Variants in BRPF3 observed in about 807,000 individuals in gnomAD.
The protein encoded by BRPF3 is bromodomain and PHD finger-containing protein 3.
In BRPF3, 18 loss-of-function variants were observed where a neutral mutation model predicts 102.0. The observed-to-expected ratio is 0.18, with a 90% CI of 0.12 to 0.26. The LOEUF is 0.26. Among genes scored for constraint, BRPF3 ranks in the 10% least tolerant of loss-of-function variants. The pLI is 1.00. For missense variants in BRPF3, 1,147 were observed against 1,567.8 expected, an observed-to-expected ratio of 0.73 and a Z score of 4.53; for synonymous variants, 570 against 614.2, an observed-to-expected ratio of 0.93 and a Z score of 1.06.
At position 36,225,484 on chromosome 6, in the gene BRPF3, G is replaced by A. The variant is rs1016109348; in HGVS notation, c.3279+120G>A. On this transcript the variant is annotated intron_variant, in intron 11 of 12. Transcript: ENST00000357641. ...GAGTGTCTTTAGCTGTAGAGGGGAG[G>A]GGGGTTTTGCCCCAGCCTGAGTGGG... The A allele has an allele frequency of 4.5e-6, 4 of 888,610 alleles. No individual in the cohort carries two copies. In the African/African-American group the frequency reaches 5.0e-5, roughly 11 times the overall value. 55.0% of individuals were successfully genotyped at this position (888,610 alleles called of 1,614,324 possible). A position where few individuals can be genotyped will look rare whatever the true frequency, so the allele number is the denominator to read the frequency against.
chr6:36,207,548 C>T, intron 4 of BRPF3, 104 bp downstream of exon 4: 1 of 1,427,740 alleles, frequency 7.0e-7, no homozygotes, highest in Non-Finnish European at 9.4e-7. Context: ...TGCTAGGTTT[C>T]TTTCTCCCCT....
In BRPF3 at chr6:36,230,619, TG is replaced by T. The variant is rs3833482; in HGVS notation, c.*13del. On this transcript the variant is annotated 3_prime_UTR_variant, in exon 13 of 13. Transcript: ENST00000357641. This position sits in a 1 kb window ranked among gnomAD's most constrained non-coding sequence, Gnocchi z 5.4. The stretch of plus-strand genomic sequence containing the variant: ...TTCCAGCTACCTGTAAGGGCAGGGC[TG>T]GGCCTGCATCCGCTTGCCCTGCCTC... 0.2 allele frequency: 325,830 copies of T among 1,611,858 alleles called. 34,128 individuals carry two copies. The highest frequency in any genetic ancestry group is 0.29 in the African/African-American group (21,847 of 74,950).
rs1767700905 is a variant in BRPF3 at position 36,201,571 on chromosome 6, G to T, written c.1249G>T (p.Asp417Tyr). ...CGATGAGGAAGGGCTGAAGGAGGGT[G>T]ATGGAGAGGAGGAAGAAGAGGAAGA... is the stretch of plus-strand genomic sequence containing the variant. Reference protein sequence around the residue: ...TGDEEGLKEGDGEEEEEEEVE... With the variant: ...TGDEEGLKEGYGEEEEEEEVE... Residue 417 changes from aspartate (D) to tyrosine (Y), a missense_variant, in exon 2 of 13, where the codon GAT (aspartate) becomes TAT (tyrosine). By Grantham distance (160) the Asp-to-Tyr change is radical. Around this residue, in one of 11 missense-constraint regions of BRPF3, gnomAD observed 157 missense variants for 163.6 expected, o/e 0.96. Coordinates refer to ENST00000357641, the MANE Select transcript of BRPF3 (RefSeq NM_015695.3). The surrounding 1 kb of genome is among the most constrained non-coding windows in gnomAD (Gnocchi z 5.1). 5.0e-6 allele frequency: 8 copies of T among 1,614,042 alleles called. No individual in the cohort carries two copies. The highest frequency in any genetic ancestry group is 6.8e-6 in the Non-Finnish European group (8 of 1,179,944).
chr6:36,206,260 C>T (rs1288441363), intron 3 of BRPF3, among the ~76,000 whole-genome samples: 1 of 152,212 alleles, frequency 6.6e-6, no homozygotes, highest in Non-Finnish European at 1.5e-5. Flanking sequence ...GTGCTGCCTA[C>T]ATCTGGGCAG....
intron 4 of BRPF3, among the ~76,000 whole-genome samples, chr6:36,209,048 C>G (rs1768003688): frequency 6.6e-6 from 1 of 152,164 alleles, no homozygotes; most frequent in Non-Finnish European, 1.5e-5. Context: ...CTAAGTCAGA[C>G]CTGGGTTCAA....
chr6:36,227,592 T>G (rs1201065153), intron 11 of BRPF3, among the ~76,000 whole-genome samples: 12 of 152,218 alleles, frequency 7.9e-5, no homozygotes, highest in Non-Finnish European at 1.3e-4. Flanking sequence ...GCAAGCACCC[T>G]GGGTTCCAAG....
chr6:36,201,539 A>G lies in BRPF3; in HGVS notation c.1217A>G (p.Glu406Gly). 6.2e-7 allele frequency: 1 copy of G among 1,614,122 alleles called. No individual in the cohort carries two copies. The highest frequency in any genetic ancestry group is 2.2e-5 in the East Asian group (1 of 44,882). Residue 406 changes from glutamate to glycine, a missense_variant, in exon 2 of 13, where the codon GAG (glutamate) becomes GGG (glycine). Around this residue, in one of 11 missense-constraint regions of BRPF3, gnomAD observed 157 missense variants for 163.6 expected, o/e 0.96. Transcript: ENST00000357641. The surrounding 1 kb of genome is among the most constrained non-coding windows in gnomAD (Gnocchi z 5.1). ...GGCGACTCCCCTAGAAGCATCAGTGAGACTGGCGATGAGGAAGGGCTGAAG... is the reference window on the plus strand; with the variant it reads ...GGCGACTCCCCTAGAAGCATCAGTGGGACTGGCGATGAGGAAGGGCTGAAG... ...RKGDSPRSIS[E>G]TGDEEGLKEG...
At chr6:36,208,581 C>T (rs1307143160) in intron 4 of BRPF3, among the ~76,000 whole-genome samples, 1 of 152,232 alleles carries the variant, frequency 6.6e-6, no homozygotes, top group African/African-American at 2.4e-5. Flanking sequence ...GAGTTTCCTC[C>T]TCATAGCCTG....
At position 36,201,561 on chromosome 6, in the gene BRPF3, G is replaced by C. The variant is rs781608347; in HGVS notation, c.1239G>C (p.Leu413=). Residue 413 remains leucine, a synonymous_variant, in exon 2 of 13, where the codon CTG becomes CTC. Transcript: ENST00000357641. The surrounding 1 kb of genome is among the most constrained non-coding windows in gnomAD (Gnocchi z 5.1). Reference sequence around the variant, plus strand: ...GTGAGACTGGCGATGAGGAAGGGCTGAAGGAGGGTGATGGAGAGGAGGAAG... The same window carrying C: ...GTGAGACTGGCGATGAGGAAGGGCTCAAGGAGGGTGATGGAGAGGAGGAAG... ...SISETGDEEG[L]KEGDGEEEEE... 1.2e-6 allele frequency: 2 copies of C among 1,614,034 alleles called. No individual in the cohort carries two copies. Among genetic ancestry groups the C allele is most frequent in the South Asian group, 2.2e-5 (2 of 91,074 alleles).
At chr6:36,209,036 G>A (rs1768003108) in intron 4 of BRPF3, among the ~76,000 whole-genome samples, 1 of 152,154 alleles carries the variant, frequency 6.6e-6, no homozygotes, top group Admixed American at 6.5e-5. Flanking sequence ...GTGTCCCTTG[G>A]ACTAAGTCAG....
chr6:36,230,368 G>A lies in BRPF3; in HGVS notation c.3435-58G>A. 5.1e-6 allele frequency: 8 copies of A among 1,566,174 alleles called. No individual in the cohort carries two copies. The South Asian group carries it at 9.4e-5, about 18-fold the overall frequency. Reference sequence around the variant, plus strand: ...GTCCTGGCCAAGTGGGGCCACAGGAGCCCGAGCCCCCTGTGAGACCCACTA... The same window carrying A: ...GTCCTGGCCAAGTGGGGCCACAGGAACCCGAGCCCCCTGTGAGACCCACTA... On this transcript the variant is annotated intron_variant, in intron 12 of 12. Coordinates refer to ENST00000357641, the MANE Select transcript of BRPF3 (RefSeq NM_015695.3). This position sits in a 1 kb window ranked among gnomAD's most constrained non-coding sequence, Gnocchi z 5.4.
Position 36,201,130 on chromosome 6 carries a change from A to C in BRPF3, c.808A>C (p.Ile270Leu). Residue 270 changes from isoleucine to leucine, a missense_variant, in exon 2 of 13, where the codon ATC (isoleucine) becomes CTC (leucine). Physicochemically the swap from Ile to Leu is conservative, Grantham distance 5. Around this residue, in one of 11 missense-constraint regions of BRPF3, gnomAD observed 221 missense variants for 337.1 expected, o/e 0.66. Transcript: ENST00000357641. The surrounding 1 kb of genome is among the most constrained non-coding windows in gnomAD (Gnocchi z 5.1). ...GTCTCCCTCCCGGCCTGTGGATTGC[A>C]TCCTTTGCCCCAATAAGGGTGGCGC... ...LQSPSRPVDCILCPNKGGAFK... is the reference protein window; with the variant it reads ...LQSPSRPVDCLLCPNKGGAFK... 1 of 1,614,106 alleles carries C rather than the reference A, an allele frequency of 6.2e-7. No homozygotes were observed. Among genetic ancestry groups the C allele is most frequent in the Non-Finnish European group, 8.5e-7 (1 of 1,180,016 alleles).
rs1301082748 is a variant in BRPF3, at chr6:36,200,408, G to C, written c.86G>C (p.Arg29Pro). 6.2e-7 allele frequency: 1 copy of C among 1,614,134 alleles called. No homozygotes were observed. Among genetic ancestry groups the C allele is most frequent in the East Asian group, 2.2e-5 (1 of 44,902 alleles). ...TACAGTCTCAAGTGCTCACCCACCC[G>C]GGAGACCCTGACATATGCCCAGGCC... The part of the protein sequence containing the change: ...SPYSLKCSPT[R>P]ETLTYAQAQR... Residue 29 changes from arginine to proline, a missense_variant, in exon 2 of 13, where the codon CGG (arginine) becomes CCG (proline). Transcript: ENST00000357641. This position sits in a 1 kb window ranked among gnomAD's most constrained non-coding sequence, Gnocchi z 5.3.
intron 2 of BRPF3, among the ~76,000 whole-genome samples, chr6:36,202,552 A>G (rs79231625): frequency 0.019 from 2,926 of 151,860 alleles, 71 homozygotes; most frequent in African/African-American, 0.053. Context: ...CCTAGCAGAG[A>G]CTCATCTCAG....
At position 36,227,672 on chromosome 6, in the gene BRPF3, A is replaced by G. The variant is rs535105158; in HGVS notation, c.3280-1230A>G. On this transcript the variant is annotated intron_variant, in intron 11 of 12. Coordinates refer to ENST00000357641, the MANE Select transcript of BRPF3 (RefSeq NM_015695.3). ...GCCTCACTGTCTTGTTTGGTAATCA[A>G]GGAAGCTTACAAGGGCTTGTATGGT... is the stretch of plus-strand genomic sequence containing the variant. Among the ~76,000 whole-genome samples, 5 of 152,296 alleles carry G rather than the reference A, an allele frequency of 3.3e-5. No individual in the cohort carries two copies. In the South Asian group the frequency reaches 8.3e-4, roughly 25 times the overall value.
At chr6:36,228,770 C>G (rs1340041679) in intron 11 of BRPF3, 132 bp from the exon 12 acceptor site, 18 of 1,047,352 alleles carry the variant, frequency 1.7e-5, no homozygotes, top group Non-Finnish European at 2.6e-5. Context: ...CCTGTCTGGT[C>G]TGGACATCAA....
chr6:36,200,378 C>A lies in BRPF3; in HGVS notation c.56C>A (p.Ser19Tyr), dbSNP rs1334899378. Residue 19 changes from serine (S) to tyrosine (Y), a missense_variant, in exon 2 of 13, where the codon TCC becomes TAC. Around this residue, in one of 11 missense-constraint regions of BRPF3, gnomAD observed 38 missense variants for 34.3 expected, o/e 1.11. Coordinates refer to ENST00000357641, the MANE Select transcript of BRPF3 (RefSeq NM_015695.3). This position sits in a 1 kb window ranked among gnomAD's most constrained non-coding sequence, Gnocchi z 5.3. ...RQNAEGRRSPSPYSLKCSPTR... is the reference protein window; with the variant it reads ...RQNAEGRRSPYPYSLKCSPTR... ...AATGCCGAGGGCCGGCGTTCCCCGT[C>A]CCCCTACAGTCTCAAGTGCTCACCC... 1.9e-6 allele frequency: 3 copies of A among 1,614,226 alleles called. No individual in the cohort carries two copies. Among genetic ancestry groups the A allele is most frequent in the South Asian group, 1.1e-5 (1 of 91,090 alleles).
intron 8 of BRPF3, 39 bp from the exon 9 acceptor site, chr6:36,217,878 G>A (rs758238775): frequency 1.5e-5 from 24 of 1,588,360 alleles, no homozygotes; most frequent in Non-Finnish European, 2.1e-5. Flanking sequence ...TGGGAAGGGG[G>A]ATTTCTGCAC....
In BRPF3 at chr6:36,210,561, G is replaced by T; in HGVS notation, c.2179+33G>T. 6.5e-7 allele frequency: 1 copy of T among 1,548,836 alleles called. No homozygotes were observed. The highest frequency in any genetic ancestry group is 8.7e-7 in the Non-Finnish European group (1 of 1,153,268). On this transcript the variant is annotated intron_variant, in intron 6 of 12. Coordinates refer to ENST00000357641, the MANE Select transcript of BRPF3 (RefSeq NM_015695.3). This position sits in a 1 kb window ranked among gnomAD's most constrained non-coding sequence, Gnocchi z 4.7. Reference sequence around the variant, plus strand: ...GCCTGGATGGGTGGGGAGGAGAGGGGCCAGGAGGAGGCACAGGAACAGAGT... The same window carrying T: ...GCCTGGATGGGTGGGGAGGAGAGGGTCCAGGAGGAGGCACAGGAACAGAGT...
Sources: gnomAD v4.1 joint callset for allele counts (sites outside exome capture counted in the v4.1 genomes callset) on GRCh38, gnomAD v4.1.1 for gene constraint, gnomAD v4.1.1 regional missense constraint, Gnocchi (gnomAD v3.1) non-coding constraint, MANE v1.5 for transcripts, NCBI Gene and HGNC (gene_info 2026-07-23, HGNC 2026-07-21) for gene names.